The following SCFD1 variants were observed in gnomAD, a reference collection of about 807,000 sequenced individuals.
SCFD1 encodes sec1 family domain containing 1.
SCFD1 carries 37 observed loss-of-function variants against 103.2 expected under a neutral mutation model. The ratio of observed to expected loss-of-function variants is 0.36; its 90% CI spans 0.28 to 0.47. SCFD1 has a LOEUF of 0.47. Among genes scored for constraint, SCFD1 ranks in the 20% least tolerant of loss-of-function variants. The pLI, the probability that SCFD1 is intolerant of heterozygous loss-of-function variation, is 1.00. For missense variants in SCFD1, 639 were observed against 761.2 expected (o/e 0.84, Z 1.89); for synonymous variants, 264 against 245.0 (o/e 1.08, Z -0.73).
chr14:30,670,051 T>C, intron 10 of SCFD1: 1 of 441,912 alleles, frequency 2.3e-6, no homozygotes, highest in Non-Finnish European at 4.0e-6. Flanking sequence ...TTTTCTCTTT[T>C]TCTTGTTTGA....
chr14:30,677,924 C>T (rs1436892933), intron 14 of SCFD1, among the ~76,000 whole-genome samples: 1 of 146,666 alleles, frequency 6.8e-6, no homozygotes, highest in African/African-American at 2.5e-5. Flanking sequence ...ACTGCAACCT[C>T]CACCTCCTGG....
chr14:30,630,892 G>T, intron 3 of SCFD1: 3 of 233,578 alleles, frequency 1.3e-5, no homozygotes, highest in South Asian at 6.9e-5. Context: ...CCTACAATGG[G>T]GTTACATACT....
chr14:30,677,348 C>T (rs1007203206), intron 14 of SCFD1, among the ~76,000 whole-genome samples: 6 of 152,148 alleles, frequency 3.9e-5, no homozygotes, highest in Admixed American at 3.9e-4. Flanking sequence ...ATTATTGAAT[C>T]ATTATCTTGC....
chr14:30,703,817 A>G (rs536419031), intron 17 of SCFD1, among the ~76,000 whole-genome samples: 4 of 148,098 alleles, frequency 2.7e-5, no homozygotes, highest in Admixed American at 6.7e-5. Flanking sequence ...GTCTTTCCCA[A>G]TTTTTATAAT....
At chr14:30,635,904 C>A (rs1021777314) in intron 4 of SCFD1, among the ~76,000 whole-genome samples, 5 of 152,050 alleles carry the variant, frequency 3.3e-5, no homozygotes, top group African/African-American at 1.2e-4. Context: ...TTCTCCAGAT[C>A]CTTGCTGAAC....
chr14:30,635,705 T>C (rs1884653421), intron 4 of SCFD1, among the ~76,000 whole-genome samples: 1 of 152,192 alleles, frequency 6.6e-6, no homozygotes, highest in African/African-American at 2.4e-5. Flanking sequence ...ATTAATAATG[T>C]TGCCATAAAT....
At chr14:30,714,051 A>C (rs1892083609) in intron 19 of SCFD1, among the ~76,000 whole-genome samples, 1 of 152,168 alleles carries the variant, frequency 6.6e-6, no homozygotes, top group Admixed American at 6.5e-5. Flanking sequence ...AACAAAACTT[A>C]AAAGGTAAAA....
At chr14:30,670,594 G>T (rs907502364) in intron 11 of SCFD1, among the ~76,000 whole-genome samples, 199 bp downstream of exon 11, 11 of 151,816 alleles carry the variant, frequency 7.2e-5, no homozygotes, top group Admixed American at 3.9e-4. Flanking sequence ...TTTGTTCATT[G>T]TTGTTTTATA....
intron 14 of SCFD1, among the ~76,000 whole-genome samples, chr14:30,694,207 T>A (rs8012325): frequency 0.19 from 28,953 of 152,126 alleles, 3,193 homozygotes; most frequent in East Asian, 0.46. Flanking sequence ...ATGATTTGTA[T>A]GCCAGTAACT....
chr14:30,644,009 C>G (rs1885554338), intron 7 of SCFD1: 1 of 456,428 alleles, frequency 2.2e-6, no homozygotes, highest in Non-Finnish European at 4.4e-6. Context: ...CCCTCATCCT[C>G]TATGCTCAGG....
chr14:30,634,943 G>T, intron 4 of SCFD1: 1 of 456,000 alleles, frequency 2.2e-6, no homozygotes, highest in South Asian at 1.5e-5. Flanking sequence ...TACAAGGGTG[G>T]CTGCAAAAGT....
At chr14:30,692,886 C>T (rs1439524889) in intron 14 of SCFD1, among the ~76,000 whole-genome samples, 1 of 152,098 alleles carries the variant, frequency 6.6e-6, no homozygotes, top group African/African-American at 2.4e-5. Context: ...ACTTTGTATC[C>T]CATATCCTTT....
intron 23 of SCFD1, among the ~76,000 whole-genome samples, chr14:30,725,197 A>C (rs928100186): frequency 2.0e-5 from 3 of 152,170 alleles, no homozygotes; most frequent in Non-Finnish European, 4.4e-5. Context: ...GAATTTTAAA[A>C]TAGTTTTCTC....
At chr14:30,714,191 C>G (rs935691677) in intron 19 of SCFD1, among the ~76,000 whole-genome samples, 7 of 143,248 alleles carry the variant, frequency 4.9e-5, no homozygotes, top group African/African-American at 1.8e-4. Context: ...ACTAAAAATA[C>G]AAAAAAAAAA....
At chr14:30,688,831 T>A (rs1299486503) in intron 14 of SCFD1, among the ~76,000 whole-genome samples, 1 of 88,162 alleles carries the variant, frequency 1.1e-5, no homozygotes, top group Non-Finnish European at 1.9e-5. Context: ...TTAATATTGT[T>A]ATGTGTGAAT....
At chr14:30,684,129 G>A (rs1232644503) in intron 14 of SCFD1, among the ~76,000 whole-genome samples, 1 of 152,204 alleles carries the variant, frequency 6.6e-6, no homozygotes, top group East Asian at 1.9e-4. Context: ...TCTGGCAAAT[G>A]TCCCAGGTTA....
intron 5 of SCFD1, among the ~76,000 whole-genome samples, chr14:30,639,537 T>C (rs1367435830): frequency 6.6e-6 from 1 of 152,210 alleles, no homozygotes; most frequent in East Asian, 1.9e-4. Flanking sequence ...AATTTTGTTT[T>C]CTGAAAATGT....
rs1412818980 is a variant in SCFD1 at position 30,735,656 on chromosome 14, G to A, written c.*47G>A. On this transcript the variant is annotated 3_prime_UTR_variant, in exon 25 of 25. Transcript: ENST00000458591. Reference sequence around the variant, plus strand: ...TAATCTACTTGGAATGTGGATAAATGTAAAAAGAAGAAAAGTTAGAAGAGC... The same window carrying A: ...TAATCTACTTGGAATGTGGATAAATATAAAAAGAAGAAAAGTTAGAAGAGC... 7.1e-7 allele frequency: 1 copy of A among 1,412,600 alleles called. No individual in the cohort carries two copies. The highest frequency in any genetic ancestry group is 9.8e-7 in the Non-Finnish European group (1 of 1,016,748). 87.5% of individuals were successfully genotyped at this position (1,412,600 alleles called of 1,614,324 possible). A position where few individuals can be genotyped will look rare whatever the true frequency, so the allele number is the denominator to read the frequency against.
intron 15 of SCFD1, among the ~76,000 whole-genome samples, chr14:30,699,498 G>A (rs1890928576): frequency 1.3e-5 from 2 of 152,106 alleles, no homozygotes; most frequent in Admixed American, 6.5e-5. Context: ...TGGGCTTTGG[G>A]TACTAAGAGT....
Sources: gnomAD v4.1 joint callset for allele counts (sites outside exome capture counted in the v4.1 genomes callset) on GRCh38, gnomAD v4.1.1 for gene constraint, MANE v1.5 for transcripts, NCBI Gene and HGNC (gene_info 2026-07-23, HGNC 2026-07-21) for gene names.